The following SIPA1L2 variants were observed in gnomAD, a reference collection of about 807,000 sequenced individuals.
SIPA1L2 encodes signal-induced proliferation-associated 1-like protein 2.
SIPA1L2 carries 56 observed loss-of-function variants against 163.9 expected under a neutral mutation model. The observed-to-expected ratio is 0.34, with a 90% CI of 0.28 to 0.43. The LOEUF (loss-of-function observed/expected upper bound fraction) is 0.43, where lower values mean the gene tolerates loss of function less well. SIPA1L2 is among the 20% of genes least tolerant of loss of function. The pLI is 1.00. For synonymous variants in SIPA1L2, 877 were observed against 865.7 expected (o/e 1.01, Z -0.23); for missense variants, 1,974 against 2,193.5 (o/e 0.90, Z 2.00).
Position 232,464,970 on chromosome 1 carries a change from C to T in SIPA1L2, c.2690G>A (p.Cys897Tyr), listed in dbSNP as rs1215270441. 1 of 1,614,202 alleles carries T rather than the reference C, an allele frequency of 6.2e-7. No individual in the cohort carries two copies. Among genetic ancestry groups the T allele is most frequent in the Admixed American group, 1.7e-5 (1 of 60,032 alleles). Reference sequence around the variant, plus strand: ...AGATGTCCACCCAATCACATCCCTGCAGGAACAGTTGAATACAACATTCTT... The same window carrying T: ...AGATGTCCACCCAATCACATCCCTGTAGGAACAGTTGAATACAACATTCTT... ...DSKNVVFNCS[C>Y]RDVIGWTSGL... Residue 897 changes from cysteine (C) to tyrosine (Y), a missense_variant, in exon 9 of 23, where the codon TGC (cysteine) becomes TAC (tyrosine). Physicochemically the swap from Cys to Tyr is radical, Grantham distance 194. This residue lies in a region of SIPA1L2 where 1,079 missense variants were observed against 1,150.7 expected (regional missense o/e 0.94). Coordinates refer to ENST00000674635, the MANE Select transcript of SIPA1L2 (RefSeq NM_020808.5).
In SIPA1L2 at chr1:232,574,167, G is replaced by C. The variant is rs944835993; in HGVS notation, c.-270+7C>G. ...CTGAAGTGAGGATGCCTTGCTTGCA[G>C]GCTTACCTGAGTGGGGAAGAGCAGC... On this transcript the variant is annotated splice_region_variant and intron_variant, in intron 2 of 22. Coordinates refer to ENST00000674635, the MANE Select transcript of SIPA1L2 (RefSeq NM_020808.5). Among the ~76,000 whole-genome samples, 2 of 152,180 alleles carry C rather than the reference G, an allele frequency of 1.3e-5. No homozygotes were observed. Among genetic ancestry groups the C allele is most frequent in the Admixed American group, 1.3e-4 (2 of 15,276 alleles).
intron 14 of SIPA1L2, among the ~76,000 whole-genome samples, chr1:232,439,705 A>T (rs911291942): frequency 1.3e-5 from 2 of 152,192 alleles, no homozygotes; most frequent in African/African-American, 4.8e-5. Flanking sequence ...TAATTTATCT[A>T]AGTTAAATGG....
At chr1:232,608,860 A>T (rs1406176595) in intron 1 of SIPA1L2, among the ~76,000 whole-genome samples, 1 of 152,026 alleles carries the variant, frequency 6.6e-6, no homozygotes, top group Non-Finnish European at 1.5e-5. Context: ...TCCATCTTCA[A>T]CTCACAGCCC....
chr1:232,448,239 C>T (rs1342952863), intron 10 of SIPA1L2, among the ~76,000 whole-genome samples: 3 of 152,164 alleles, frequency 2.0e-5, no homozygotes, highest in African/African-American at 7.2e-5. Context: ...AGTCAGCCTG[C>T]GAAGCTAATT....
intron 22 of SIPA1L2, among the ~76,000 whole-genome samples, chr1:232,400,264 G>A (rs879608157): frequency 3.3e-5 from 5 of 152,062 alleles, no homozygotes; most frequent in Non-Finnish European, 7.4e-5. Flanking sequence ...TCCTCACCAC[G>A]ACTCTCAGTC....
chr1:232,584,931 T>C (rs372035550), intron 1 of SIPA1L2, among the ~76,000 whole-genome samples: 5 of 152,202 alleles, frequency 3.3e-5, no homozygotes, highest in South Asian at 4.1e-4. Flanking sequence ...CATCCATATA[T>C]GGGGGAGAGA....
chr1:232,545,318 C>T lies in SIPA1L2; in HGVS notation c.-270+28856G>A, dbSNP rs949162494. ...ATATGATTTCTAACTTTCTATTATA[C>T]ACATTACTTGTTTTTCATATCTGGC... is the stretch of plus-strand genomic sequence containing the variant. On this transcript the variant is annotated intron_variant, in intron 2 of 22. Coordinates refer to ENST00000674635, the MANE Select transcript of SIPA1L2 (RefSeq NM_020808.5). Among the ~76,000 whole-genome samples the T allele has an allele frequency of 1.1e-4, 16 of 152,288 alleles. No homozygotes were observed. The South Asian group carries it at 3.1e-3, about 30-fold the overall frequency.
At chr1:232,451,564 C>A (rs1029552563) in intron 10 of SIPA1L2, among the ~76,000 whole-genome samples, 1 of 152,198 alleles carries the variant, frequency 6.6e-6, no homozygotes, top group African/African-American at 2.4e-5. Flanking sequence ...TGTGTAACTG[C>A]AACATTTTTA....
chr1:232,578,420 CA>C lies in SIPA1L2; in HGVS notation c.-318-4199del, dbSNP rs367862152. Reference sequence around the variant, plus strand: ...AACTATAAAAGATAAATGTTTCTTACAAAAAAAAAAGGCATGATATTCTACA... The same window carrying C: ...AACTATAAAAGATAAATGTTTCTTACAAAAAAAAAGGCATGATATTCTACA... On this transcript the variant is annotated intron_variant, in intron 1 of 22. Coordinates refer to ENST00000674635, the MANE Select transcript of SIPA1L2 (RefSeq NM_020808.5). 2.1e-3 allele frequency among the ~76,000 whole-genome samples: 302 copies of C among 143,090 alleles called. 2 individuals are homozygous for C. Among genetic ancestry groups the C allele is most frequent in the Admixed American group, 4.3e-3 (62 of 14,302 alleles). 93.9% of individuals were successfully genotyped at this position (143,090 alleles called of 152,430 possible).
intron 6 of SIPA1L2, among the ~76,000 whole-genome samples, chr1:232,482,118 T>C (rs1457901663): frequency 6.6e-6 from 1 of 152,204 alleles, no homozygotes; most frequent in African/African-American, 2.4e-5. Context: ...CAAACTCTAG[T>C]TGTTACGTTC....
upstream of SIPA1L2, among the ~76,000 whole-genome samples, chr1:232,630,451 G>A (rs950185347): frequency 3.3e-5 from 5 of 152,188 alleles, no homozygotes; most frequent in Non-Finnish European, 1.5e-5. Flanking sequence ...CTTCTAGAGA[G>A]CCGTCGCCGT....
intron 4 of SIPA1L2, among the ~76,000 whole-genome samples, chr1:232,492,786 T>C (rs998501350): frequency 2.6e-5 from 4 of 152,202 alleles, no homozygotes; most frequent in Non-Finnish European, 5.9e-5. Flanking sequence ...AACTAACCTG[T>C]TGTTGATTTT....
chr1:232,535,097 A>G (rs1437298880), intron 2 of SIPA1L2, among the ~76,000 whole-genome samples: 3 of 152,228 alleles, frequency 2.0e-5, no homozygotes, highest in South Asian at 2.1e-4. Context: ...ACAATTCCCA[A>G]TCACCAGACT....
At chr1:232,449,239 C>A (rs556676035) in intron 10 of SIPA1L2, among the ~76,000 whole-genome samples, 32 of 152,236 alleles carry the variant, frequency 2.1e-4, no homozygotes, top group Middle Eastern at 3.4e-3. Context: ...AGAAAACTGG[C>A]CGGGCGCGGT....
intron 1 of SIPA1L2, among the ~76,000 whole-genome samples, chr1:232,574,983 C>T (rs752707333): frequency 3.3e-5 from 5 of 152,146 alleles, no homozygotes; most frequent in Non-Finnish European, 4.4e-5. Flanking sequence ...TTGCCCCAGG[C>T]GAATCAGCAA....
intron 22 of SIPA1L2, among the ~76,000 whole-genome samples, chr1:232,399,595 G>A (rs1381834173): frequency 1.3e-5 from 2 of 152,094 alleles, no homozygotes; most frequent in African/African-American, 4.8e-5. Context: ...GGAGGTTAAA[G>A]GTAATACCCT....
At chr1:232,592,217 C>T (rs1055411160) in intron 1 of SIPA1L2, among the ~76,000 whole-genome samples, 4 of 152,206 alleles carry the variant, frequency 2.6e-5, no homozygotes, top group African/African-American at 9.7e-5. Flanking sequence ...ATATTTAGCA[C>T]AGACATTTGC....
At chr1:232,526,172 C>T (rs1028205176) in intron 2 of SIPA1L2, among the ~76,000 whole-genome samples, 1 of 152,198 alleles carries the variant, frequency 6.6e-6, no homozygotes, top group Non-Finnish European at 1.5e-5. Context: ...CAATACTGAA[C>T]GCCAGTTAAA....
chr1:232,406,399 A>G (rs1333173930), intron 19 of SIPA1L2, among the ~76,000 whole-genome samples: 1 of 152,238 alleles, frequency 6.6e-6, no homozygotes, highest in African/African-American at 2.4e-5. Flanking sequence ...AAAACAATCC[A>G]TCCTTTAAAA....
Sources: gnomAD v4.1 joint callset for allele counts (sites outside exome capture counted in the v4.1 genomes callset) on GRCh38, gnomAD v4.1.1 for gene constraint, gnomAD v4.1.1 regional missense constraint, MANE v1.5 for transcripts, NCBI Gene and HGNC (gene_info 2026-07-23, HGNC 2026-07-21) for gene names.